The following CKAP5 variants were observed in gnomAD, a reference collection of about 807,000 sequenced individuals.
CKAP5 encodes cytoskeleton associated protein 5.
Under a neutral mutation model 232.8 loss-of-function variants are expected in CKAP5, and 27 were observed. That is an observed-to-expected ratio of 0.12 (90% CI 0.09 to 0.16). The LOEUF is 0.16. CKAP5 is among the 10% of genes least tolerant of loss of function. CKAP5 has a pLI of 1.00. For missense variants in CKAP5, 1,838 were observed against 2,424.7 expected, an observed-to-expected ratio of 0.76 and a Z score of 5.08; for synonymous variants, 785 against 841.1, an observed-to-expected ratio of 0.93 and a Z score of 1.16.
intron 24 of CKAP5, among the ~76,000 whole-genome samples, chr11:46,772,368 A>T (rs2065255152): frequency 6.6e-6 from 1 of 152,152 alleles, no homozygotes; most frequent in South Asian, 2.1e-4. Flanking sequence ...TTTAAGTCTA[A>T]GAATTCTTTG....
In CKAP5 at chr11:46,784,591, T is replaced by G; in HGVS notation, c.2051A>C (p.Asp684Ala). 6.2e-7 allele frequency: 1 copy of G among 1,614,084 alleles called. No homozygotes were observed. Among genetic ancestry groups the G allele is most frequent in the Non-Finnish European group, 8.5e-7 (1 of 1,179,958 alleles). The change falls in exon 17 of 44, where the codon GAT becomes GCT. Residue 684 changes from aspartate to alanine, a missense_variant. Physicochemically the swap from Asp to Ala is moderately radical, Grantham distance 126 (BLOSUM62 -2). This residue lies in a region of CKAP5 where 767 missense variants were observed against 954.6 expected (regional missense o/e 0.80). Transcript: ENST00000529230. ...FSKTSAQVVLDGLVDKIGDVK... is the reference protein window; with the variant it reads ...FSKTSAQVVLAGLVDKIGDVK... ...ATCTCCAATCTTGTCCACAAGGCCA[T>G]CTAATACAACCTGAGCTGACGTTTT...
At chr11:46,836,641 G>A (rs985886914) in intron 1 of CKAP5, among the ~76,000 whole-genome samples, 3 of 152,324 alleles carry the variant, frequency 2.0e-5, no homozygotes, top group East Asian at 3.9e-4. Context: ...TGTTAAGAAC[G>A]TGGAGCAAGA....
chr11:46,802,943 GA>G (rs748650755), intron 8 of CKAP5, among the ~76,000 whole-genome samples: 3 of 152,112 alleles, frequency 2.0e-5, no homozygotes, highest in Non-Finnish European at 4.4e-5. Flanking sequence ...CAAACCCTAT[GA>G]GGTAAGGACT....
At chr11:46,771,145 A>T (rs11038987) in intron 24 of CKAP5, among the ~76,000 whole-genome samples, 163 bp from the exon 25 acceptor site, 23,927 of 152,206 alleles carry the variant, frequency 0.16, 2,988 homozygotes, top group African/African-American at 0.35. Context: ...AACTGTGCTA[A>T]ATTTAAATAA....
intron 1 of CKAP5, among the ~76,000 whole-genome samples, chr11:46,838,943 A>T (rs1048465767): frequency 6.6e-6 from 1 of 152,088 alleles, no homozygotes. Flanking sequence ...TGTTCAGAGA[A>T]GATGATGCCA....
chr11:46,747,143 T>TA (rs1249542850), intron 42 of CKAP5, among the ~76,000 whole-genome samples: 4 of 151,742 alleles, frequency 2.6e-5, no homozygotes, highest in Non-Finnish European at 5.9e-5. Context: ...TCAAAATAAA[T>TA]AATCTTATGG....
intron 24 of CKAP5, among the ~76,000 whole-genome samples, chr11:46,773,693 C>A (rs1057063396): frequency 1.3e-5 from 2 of 151,918 alleles, no homozygotes; most frequent in African/African-American, 2.4e-5. Context: ...TAGGCCCGCA[C>A]CACCACACCC....
intron 35 of CKAP5, 43 bp downstream of exon 35, chr11:46,758,880 A>G (rs779052490): frequency 1.9e-6 from 3 of 1,609,182 alleles, no homozygotes; most frequent in Admixed American, 1.7e-5. Flanking sequence ...TATAGCCTCT[A>G]TGTCCACCAA....
At chr11:46,815,255 G>T (rs1417676682) in intron 4 of CKAP5, among the ~76,000 whole-genome samples, 1 of 152,052 alleles carries the variant, frequency 6.6e-6, no homozygotes, top group Non-Finnish European at 1.5e-5. Context: ...TCACCACATT[G>T]GCCAGGCTGG....
intron 1 of CKAP5, among the ~76,000 whole-genome samples, chr11:46,829,831 T>C (rs1253823958): frequency 1.6e-5 from 2 of 122,396 alleles, no homozygotes; most frequent in African/African-American, 5.8e-5. Flanking sequence ...TCTAATTCCT[T>C]TTTTGTATGT....
In CKAP5 at chr11:46,769,991, G is replaced by A. The variant is rs765027454; in HGVS notation, c.3294C>T (p.Ser1098=). 3.2e-5 allele frequency: 52 copies of A among 1,613,960 alleles called. 1 individual carries two copies. The East Asian group carries it at 9.1e-4, about 28-fold the overall frequency. ...ATGCAGGCTGGAATTTGGCTGGAGC[G>A]GACCCTCCCATTGGTTTAGAAGTTG... ...TKATSKPMGG[S]APAKFQPASA... The change falls in exon 26 of 44, where the codon TCC becomes TCT. Residue 1098 remains serine, a synonymous_variant. Transcript: ENST00000529230.
chr11:46,755,181 C>G (rs2065101293), intron 35 of CKAP5, 114 bp from the exon 36 acceptor site: 1 of 688,316 alleles, frequency 1.5e-6, no homozygotes, highest in South Asian at 3.0e-5. Flanking sequence ...CTTCTAAAGT[C>G]TTACCTTAAA....
At chr11:46,800,797 C>T (rs961111274) in intron 9 of CKAP5, among the ~76,000 whole-genome samples, 1 of 152,156 alleles carries the variant, frequency 6.6e-6, no homozygotes, top group Admixed American at 6.5e-5. Flanking sequence ...ATTAACCTCA[C>T]AGTTTTACAT....
At chr11:46,822,708 A>G (rs1939564476) in intron 1 of CKAP5, among the ~76,000 whole-genome samples, 6 of 142,914 alleles carry the variant, frequency 4.2e-5, no homozygotes, top group Admixed American at 3.6e-4. Flanking sequence ...CCGAGATCGC[A>G]CTGCACTCCA....
chr11:46,790,521 G>A lies in CKAP5; in HGVS notation c.1713C>T (p.Thr571=), dbSNP rs1938695048. The change falls in exon 14 of 44, where the codon ACC becomes ACT. Residue 571 remains threonine (T), a synonymous_variant. Transcript: ENST00000529230. ...TAGTCTCCAGTCCTTTCTTGTTCTT[G>A]GTTCCAGTATTCCCTGCGCCTCCTG... is the stretch of plus-strand genomic sequence containing the variant. ...AAPGGAGNTG[T]KNKKGLETKE... is the part of the protein sequence containing the mutation. The A allele has an allele frequency of 1.2e-6, 2 of 1,613,868 alleles. No homozygotes were observed. The highest frequency in any genetic ancestry group is 1.7e-6 in the Non-Finnish European group (2 of 1,179,958).
intron 31 of CKAP5, chr11:46,762,410 G>C: frequency 1.2e-6 from 1 of 850,402 alleles, no homozygotes; most frequent in Non-Finnish European, 2.0e-6. Flanking sequence ...TGGCCCCTGT[G>C]CACTTGATTT....
At chr11:46,753,533 C>T (rs2065086105) in intron 36 of CKAP5, 36 bp from the exon 37 acceptor site, 2 of 1,477,888 alleles carry the variant, frequency 1.4e-6, no homozygotes, top group Non-Finnish European at 1.9e-6. Flanking sequence ...AGGTGTAAAA[C>T]TCAATATAGA....
chr11:46,825,556 A>C lies in CKAP5; in HGVS notation c.-37-4288T>G, dbSNP rs1414678437. ...ATGACTTTTTTATGGCAAATTCCCA[A>C]GCTCTTGACCTACAAAAGCTCTTCA... is the stretch of plus-strand genomic sequence containing the variant. On this transcript the variant is annotated intron_variant, in intron 1 of 43. Coordinates refer to ENST00000529230, the MANE Select transcript of CKAP5 (RefSeq NM_001008938.4). 6.6e-5 allele frequency among the ~76,000 whole-genome samples: 10 copies of C among 152,282 alleles called. No individual in the cohort carries two copies. In the South Asian group the frequency reaches 8.3e-4, roughly 13 times the overall value.
At position 46,788,673 on chromosome 11, in the gene CKAP5, T is replaced by G; in HGVS notation, c.1968+8A>C. 2 of 1,526,990 alleles carry G rather than the reference T, an allele frequency of 1.3e-6. No individual in the cohort carries two copies. The highest frequency in any genetic ancestry group is 1.8e-6 in the Non-Finnish European group (2 of 1,101,406). 94.6% of individuals were successfully genotyped at this position (1,526,990 alleles called of 1,614,324 possible). On this transcript the variant is annotated splice_region_variant and intron_variant, in intron 16 of 43. Transcript: ENST00000529230. ...ATAAAAGACATCAAATCTCACATTT[T>G]AAAATACCTGAAAATTAGTTTCTTT... is the stretch of plus-strand genomic sequence containing the variant.
Sources: gnomAD v4.1 joint callset for allele counts (sites outside exome capture counted in the v4.1 genomes callset) on GRCh38, gnomAD v4.1.1 for gene constraint, gnomAD v4.1.1 regional missense constraint, MANE v1.5 for transcripts, NCBI Gene and HGNC (gene_info 2026-07-23, HGNC 2026-07-21) for gene names.